IKZF2: variants seen among roughly 807,000 people sequenced by gnomAD.
The protein encoded by IKZF2 is zinc finger protein Helios.
IKZF2 carries 15 observed loss-of-function variants against 49.2 expected under a neutral mutation model. The ratio of observed to expected loss-of-function variants is 0.30; its 90% CI spans 0.20 to 0.47. The LOEUF is 0.47. IKZF2 is among the 20% of genes least tolerant of loss of function. The pLI is 1.00. For missense variants in IKZF2, 567 were observed against 664.6 expected, an observed-to-expected ratio of 0.85 and a Z score of 1.61; for synonymous variants, 227 against 221.4, an observed-to-expected ratio of 1.03 and a Z score of -0.23.
intron 6 of IKZF2, among the ~76,000 whole-genome samples, chr2:213,028,402 A>G (rs1468165705): frequency 6.6e-6 from 1 of 152,204 alleles, no homozygotes; most frequent in East Asian, 1.9e-4. Flanking sequence ...TTTCTGTTAA[A>G]AAGCTTGTTG....
intron 4 of IKZF2, among the ~76,000 whole-genome samples, chr2:213,105,631 C>G (rs1384891979): frequency 2.0e-5 from 3 of 151,786 alleles, no homozygotes; most frequent in Non-Finnish European, 4.4e-5. Flanking sequence ...TTTTTCCTAA[C>G]AAAAACATCG....
intron 6 of IKZF2, among the ~76,000 whole-genome samples, chr2:213,033,555 A>G (rs1436476999): frequency 1.3e-5 from 2 of 152,256 alleles, no homozygotes; most frequent in Admixed American, 6.5e-5. Context: ...TGAAAACAAC[A>G]TTAATCTGCT....
At chr2:213,018,830 A>G (rs1696885707) in intron 7 of IKZF2, among the ~76,000 whole-genome samples, 1 of 152,082 alleles carries the variant, frequency 6.6e-6, no homozygotes, top group Admixed American at 6.6e-5. Context: ...CCTGCCTGAT[A>G]TATGCAATTT....
At chr2:213,073,348 T>A (rs1702911266) in intron 4 of IKZF2, among the ~76,000 whole-genome samples, 1 of 152,176 alleles carries the variant, frequency 6.6e-6, no homozygotes, top group East Asian at 1.9e-4. Flanking sequence ...TGTTAGTGTC[T>A]CAGTTTCCCA....
rs1323138978 is a variant in IKZF2, at chr2:213,002,170, C to T, written c.*5190G>A. On this transcript the variant is annotated 3_prime_UTR_variant, in exon 9 of 9. Coordinates refer to ENST00000434687, the MANE Select transcript of IKZF2 (RefSeq NM_001387220.1). ...GGGCCTTTAACTTTTATATTTTATT[C>T]ACAATAAAAAGGACATCTTAGAAAA... The T allele has an allele frequency of 6.6e-6, 1 of 151,318 alleles. No individual in the cohort carries two copies. The highest frequency in any genetic ancestry group is 2.4e-5 in the African/African-American group (1 of 41,320). 9.4% of individuals were successfully genotyped at this position (151,318 alleles called of 1,614,324 possible).
chr2:213,125,451 GA>G (rs1260663975), intron 4 of IKZF2, among the ~76,000 whole-genome samples: 1 of 152,114 alleles, frequency 6.6e-6, no homozygotes, highest in Non-Finnish European at 1.5e-5. Flanking sequence ...AACATACGTA[GA>G]TACCATCTTC....
intron 6 of IKZF2, among the ~76,000 whole-genome samples, chr2:213,047,424 T>C (rs1260178598): frequency 1.3e-5 from 2 of 152,088 alleles, no homozygotes; most frequent in Admixed American, 6.6e-5. Flanking sequence ...ATCTCCTCCA[T>C]AGCCAGAAGG....
chr2:213,127,032 C>T (rs1160947451), intron 4 of IKZF2, among the ~76,000 whole-genome samples: 3 of 152,280 alleles, frequency 2.0e-5, no homozygotes, highest in African/African-American at 4.8e-5. Flanking sequence ...ATTTCTCCAG[C>T]TCCAACCACA....
In IKZF2 at chr2:213,097,795, T is replaced by C. The variant is rs527970229; in HGVS notation, c.140-40696A>G. 7 of 168,828 alleles carry C rather than the reference T, an allele frequency of 4.1e-5. No individual in the cohort carries two copies. The South Asian group carries it at 7.2e-4, about 17-fold the overall frequency. 10.5% of individuals were successfully genotyped at this position (168,828 alleles called of 1,614,324 possible). ...CTGCTCTCTATCAATATGTACTTGT[T>C]GACAAATCAAATTTTATTTGTAATT... On this transcript the variant is annotated intron_variant, in intron 4 of 8. Transcript: ENST00000434687.
At chr2:213,140,014 C>G (rs376914290) in intron 4 of IKZF2, among the ~76,000 whole-genome samples, 23 of 152,044 alleles carry the variant, frequency 1.5e-4, no homozygotes, top group South Asian at 6.2e-4. Context: ...GAAAACACCC[C>G]AAACCTATTT....
intron 4 of IKZF2, among the ~76,000 whole-genome samples, chr2:213,058,913 G>A (rs1016083770): frequency 1.3e-5 from 2 of 151,792 alleles, no homozygotes; most frequent in Non-Finnish European, 2.9e-5. Flanking sequence ...AAAGCAACCA[G>A]TATCATAATT....
chr2:213,016,736 T>C (rs571187001), intron 7 of IKZF2, among the ~76,000 whole-genome samples: 1 of 152,160 alleles, frequency 6.6e-6, no homozygotes, highest in African/African-American at 2.4e-5. Flanking sequence ...GATCACTGTT[T>C]CATCACGTTG....
At chr2:213,061,908 A>AAT (rs1321215012) in intron 4 of IKZF2, among the ~76,000 whole-genome samples, 1 of 151,610 alleles carries the variant, frequency 6.6e-6, no homozygotes, top group Non-Finnish European at 1.5e-5. Context: ...ATAAATGTAA[A>AAT]AAGGCACTTC....
intron 4 of IKZF2, among the ~76,000 whole-genome samples, chr2:213,137,171 T>G (rs1380115361): frequency 2.0e-5 from 3 of 152,162 alleles, no homozygotes. Flanking sequence ...CATTAGGTCA[T>G]TAATGTGTCA....
chr2:213,113,846 G>T (rs1019356897), intron 4 of IKZF2, among the ~76,000 whole-genome samples: 1 of 152,140 alleles, frequency 6.6e-6, no homozygotes, highest in Non-Finnish European at 1.5e-5. Flanking sequence ...ATTGAGCAAG[G>T]AGGGGCAAGG....
At chr2:213,150,902 T>C (rs1049381960) in intron 1 of IKZF2, among the ~76,000 whole-genome samples, 1 of 150,712 alleles carries the variant, frequency 6.6e-6, no homozygotes, top group Non-Finnish European at 1.5e-5. Context: ...CCAGGGTTTT[T>C]GGTTTTTTTT....
At chr2:213,057,140 T>C in intron 4 of IKZF2, 41 bp from the exon 5 acceptor site, 4 of 1,488,528 alleles carry the variant, frequency 2.7e-6, no homozygotes, top group Non-Finnish European at 3.7e-6. Flanking sequence ...AAATACATGT[T>C]ATGTATTCTC....
chr2:213,033,131 G>C (rs1698647946), intron 6 of IKZF2, among the ~76,000 whole-genome samples: 1 of 152,168 alleles, frequency 6.6e-6, no homozygotes, highest in African/African-American at 2.4e-5. Flanking sequence ...TTTGCCCATT[G>C]TAAGAAGCAA....
chr2:213,142,165 C>T (rs1447023269), intron 4 of IKZF2, among the ~76,000 whole-genome samples: 1 of 151,924 alleles, frequency 6.6e-6, no homozygotes, highest in Non-Finnish European at 1.5e-5. Flanking sequence ...CAATAATATG[C>T]AGTGATTTGC....
Sources: allele counts gnomAD v4.1 joint callset (sites outside exome capture counted in the v4.1 genomes callset), GRCh38; gene constraint gnomAD v4.1.1; transcripts MANE v1.5; gene names NCBI Gene and HGNC (gene_info 2026-07-23, HGNC 2026-07-21).